PRR5L: variants seen among roughly 807,000 people sequenced by gnomAD.
The protein encoded by PRR5L is proline rich 5 like, also known as proline-rich protein 5-like.
Under a neutral mutation model 36.4 loss-of-function variants are expected in PRR5L, and 21 were observed. The observed-to-expected ratio is 0.58, with a 90% CI of 0.41 to 0.83. The LOEUF (loss-of-function observed/expected upper bound fraction) is 0.83. PRR5L is among the 40% of genes least tolerant of loss of function. The probability of loss-of-function intolerance (pLI) is 0.00; values close to 1 mark genes in which losing one functional copy is unlikely to be tolerated. For synonymous variants in PRR5L, 188 were observed against 197.0 expected (o/e 0.95, Z 0.38); for missense variants, 381 against 473.3 (o/e 0.80, Z 1.81).
intron 4 of PRR5L, among the ~76,000 whole-genome samples, chr11:36,425,098 A>C (rs1858352861): frequency 6.6e-6 from 1 of 152,218 alleles, no homozygotes. Context: ...CTGGGATTAC[A>C]GGTGTGAGCC....
At chr11:36,431,139 G>A (rs1327353564) in intron 4 of PRR5L, among the ~76,000 whole-genome samples, 6 of 152,314 alleles carry the variant, frequency 3.9e-5, no homozygotes, top group Admixed American at 1.3e-4. Flanking sequence ...GGAAGGCAGC[G>A]AAGTGGAGTG....
At chr11:36,439,937 G>T (rs1203094031) in intron 6 of PRR5L, among the ~76,000 whole-genome samples, 1 of 152,074 alleles carries the variant, frequency 6.6e-6, no homozygotes, top group Non-Finnish European at 1.5e-5. Context: ...TCCCCATCAA[G>T]CCTAAAACAA....
In PRR5L at chr11:36,462,710, G is replaced by A; in HGVS notation, c.1081G>A (p.Glu361Lys). Residue 361 changes from glutamate (E) to lysine (K), a missense_variant, in exon 9 of 9, where the codon GAG (glutamate) becomes AAG (lysine). Coordinates refer to ENST00000530639, the MANE Select transcript of PRR5L (RefSeq NM_001160167.2). Reference sequence around the variant, plus strand: ...GGCCAGGGGCAGCCAGGAGGGCTCGGAGCTGAACTGTGCTTCCCTCAGCTG... The same window carrying A: ...GGCCAGGGGCAGCCAGGAGGGCTCGAAGCTGAACTGTGCTTCCCTCAGCTG... The part of the protein sequence containing the change: ...EGARGSQEGS[E>K]LNCASLS 6.3e-7 allele frequency: 1 copy of A among 1,581,428 alleles called. No individual in the cohort carries two copies. The highest frequency in any genetic ancestry group is 8.6e-7 in the Non-Finnish European group (1 of 1,164,228).
chr11:36,451,387 G>A lies in PRR5L; in HGVS notation c.712+52G>A, dbSNP rs149043220. 714 of 1,604,942 alleles carry A rather than the reference G, an allele frequency of 4.4e-4. 3 individuals are homozygous for A. The African/African-American group carries it at 7.8e-3, about 18-fold the overall frequency. ...AAGAGGCCCAGTGATCATGATACCAGCACTGTTTAACTGAGCACTGTTTAA... is the reference window on the plus strand; with the variant it reads ...AAGAGGCCCAGTGATCATGATACCAACACTGTTTAACTGAGCACTGTTTAA... On this transcript the variant is annotated intron_variant, in intron 8 of 8. Coordinates refer to ENST00000530639, the MANE Select transcript of PRR5L (RefSeq NM_001160167.2).
At chr11:36,438,523 C>T (rs186887040) in intron 6 of PRR5L, among the ~76,000 whole-genome samples, 1 of 152,284 alleles carries the variant, frequency 6.6e-6, no homozygotes, top group East Asian at 1.9e-4. Flanking sequence ...ATAACATTTC[C>T]AGTAAGATAG....
chr11:36,296,605 CA>C (rs1856314297), intron 1 of PRR5L, among the ~76,000 whole-genome samples, 167 bp downstream of exon 1: 1 of 152,216 alleles, frequency 6.6e-6, no homozygotes, highest in Admixed American at 6.5e-5. Context: ...AGGTCAAGTT[CA>C]GCAGCCTCCC....
intron 1 of PRR5L, among the ~76,000 whole-genome samples, chr11:36,357,031 C>A (rs1005519437): frequency 2.0e-5 from 3 of 152,122 alleles, no homozygotes; most frequent in African/African-American, 7.2e-5. Flanking sequence ...AGGAAAAGTT[C>A]TTGAAATTAA....
chr11:36,357,156 C>T (rs577015640), intron 1 of PRR5L, among the ~76,000 whole-genome samples: 103 of 152,260 alleles, frequency 6.8e-4, no homozygotes, highest in African/African-American at 1.8e-3. Flanking sequence ...CATTCCCTTA[C>T]GCCAAGGCAT....
chr11:36,325,102 G>A lies in PRR5L; in HGVS notation c.-126+28664G>A, dbSNP rs965934542. On this transcript the variant is annotated intron_variant, in intron 1 of 8. Transcript: ENST00000530639. ...TCTGACCTGGGGTTCTTGGCCTCACGGATTCCAAAGAATGGAATCTTGGGC... is the reference window on the plus strand; with the variant it reads ...TCTGACCTGGGGTTCTTGGCCTCACAGATTCCAAAGAATGGAATCTTGGGC... Among the ~76,000 whole-genome samples, 5 of 152,260 alleles carry A rather than the reference G, an allele frequency of 3.3e-5. No individual in the cohort carries two copies. The South Asian group carries it at 8.3e-4, about 25-fold the overall frequency.
chr11:36,382,261 C>T (rs913251665), intron 1 of PRR5L, among the ~76,000 whole-genome samples: 3 of 152,216 alleles, frequency 2.0e-5, no homozygotes, highest in Admixed American at 6.5e-5. Flanking sequence ...ATGGAGATAA[C>T]ACAGGTTGAG....
intron 6 of PRR5L, among the ~76,000 whole-genome samples, chr11:36,439,579 C>T (rs958078692): frequency 1.3e-5 from 2 of 152,162 alleles, no homozygotes; most frequent in Admixed American, 1.3e-4. Context: ...ATGTGCTAAC[C>T]CTGCTTTATT....
At chr11:36,378,037 C>T (rs186866328) in intron 1 of PRR5L, among the ~76,000 whole-genome samples, 20 of 152,264 alleles carry the variant, frequency 1.3e-4, no homozygotes, top group Admixed American at 1.3e-3. Flanking sequence ...CGGGAGACTA[C>T]CCTTTTTGAC....
chr11:36,374,243 C>A (rs556228687), intron 1 of PRR5L, among the ~76,000 whole-genome samples: 1 of 151,908 alleles, frequency 6.6e-6, no homozygotes, highest in Non-Finnish European at 1.5e-5. Flanking sequence ...TACAGGCACC[C>A]GCCACCATGC....
At chr11:36,351,517 A>ATTTT (rs1565408322) in intron 1 of PRR5L, among the ~76,000 whole-genome samples, 1,302 of 32,522 alleles carry the variant, frequency 0.04, 386 homozygotes, top group East Asian at 0.064. Context: ...ATATTTATAT[A>ATTTT]TATTTATATA....
At chr11:36,309,140 G>C (rs1043521372) in intron 1 of PRR5L, among the ~76,000 whole-genome samples, 1 of 152,220 alleles carries the variant, frequency 6.6e-6, no homozygotes, top group Non-Finnish European at 1.5e-5. Flanking sequence ...GGAATAACAA[G>C]TGTTAAGTAT....
intron 1 of PRR5L, among the ~76,000 whole-genome samples, chr11:36,315,610 A>G (rs2166532): frequency 0.85 from 129,312 of 152,196 alleles, 55,148 homozygotes; most frequent in East Asian, 0.98. Context: ...AATTAATCTG[A>G]AGTATAAGAG....
intron 1 of PRR5L, among the ~76,000 whole-genome samples, chr11:36,399,621 CAG>C (rs1354965009): frequency 1.3e-5 from 2 of 152,230 alleles, no homozygotes; most frequent in Admixed American, 1.3e-4. Context: ...TGGGACATAG[CAG>C]AGTTAGCTGG....
intron 1 of PRR5L, among the ~76,000 whole-genome samples, chr11:36,389,330 C>T (rs1426210180): frequency 6.6e-6 from 1 of 152,168 alleles, no homozygotes; most frequent in Non-Finnish European, 1.5e-5. Flanking sequence ...CTTGCAAAGC[C>T]TAAGAGGGTT....
intron 1 of PRR5L, among the ~76,000 whole-genome samples, chr11:36,368,171 A>G (rs1159594853): frequency 6.6e-6 from 1 of 152,186 alleles, no homozygotes; most frequent in Non-Finnish European, 1.5e-5. Context: ...GAATATTGAA[A>G]TCATGGAGAA....
Sources: allele counts gnomAD v4.1 joint callset (sites outside exome capture counted in the v4.1 genomes callset), GRCh38; gene constraint gnomAD v4.1.1; transcripts MANE v1.5; gene names NCBI Gene and HGNC (gene_info 2026-07-23, HGNC 2026-07-21).